ACOX3: variants seen among roughly 807,000 people sequenced by gnomAD.
The protein encoded by ACOX3 is acyl-CoA oxidase 3, pristanoyl.
ACOX3 carries 73 observed loss-of-function variants against 81.5 expected under a neutral mutation model. The ratio of observed to expected loss-of-function variants is 0.90; its 90% CI spans 0.74 to 1.09. ACOX3 has a LOEUF of 1.09. Among genes scored for constraint, ACOX3 ranks in the 50% least tolerant of loss-of-function variants. The pLI is 0.00. For synonymous variants in ACOX3, 387 were observed against 375.1 expected, an observed-to-expected ratio of 1.03 and a Z score of -0.37; for missense variants, 947 against 928.0, an observed-to-expected ratio of 1.02 and a Z score of -0.27.
chr4:8,419,112 G>C lies in ACOX3; in HGVS notation c.-14-2577C>G, dbSNP rs1478079697. ...GCCCAGGAGTTTGAGACCAGCCTGG[G>C]TGATACAGCAAGACCTTATCTCTTA... On this transcript the variant is annotated intron_variant, in intron 1 of 17. Coordinates refer to ENST00000356406, the MANE Select transcript of ACOX3 (RefSeq NM_003501.3). The surrounding 1 kb of genome is among the most constrained non-coding windows in gnomAD (Gnocchi z 4.2). Among the ~76,000 whole-genome samples, 1 of 152,054 alleles carries C rather than the reference G, an allele frequency of 6.6e-6. No individual in the cohort carries two copies. Among genetic ancestry groups the C allele is most frequent in the Non-Finnish European group, 1.5e-5 (1 of 68,000 alleles).
downstream of ACOX3, among the ~76,000 whole-genome samples, chr4:8,365,804 T>G (rs1715382262): frequency 6.6e-6 from 1 of 152,114 alleles, no homozygotes; most frequent in Admixed American, 6.5e-5. Context: ...TCAGAAGTGA[T>G]TTCCAGTGCT....
intron 1 of ACOX3, among the ~76,000 whole-genome samples, chr4:8,436,556 G>A (rs953148046): frequency 2.0e-5 from 3 of 152,152 alleles, no homozygotes; most frequent in African/African-American, 7.2e-5. Flanking sequence ...GCAGTACTAA[G>A]AGGCACTTCT....
chr4:8,379,197 G>A (rs564503020), intron 14 of ACOX3, among the ~76,000 whole-genome samples: 1 of 152,166 alleles, frequency 6.6e-6, no homozygotes, highest in East Asian at 1.9e-4. Flanking sequence ...AACAGCTTCC[G>A]GTTCCCATCT....
At chr4:8,360,494 C>A in the ACOX3 span, among the ~76,000 whole-genome samples, 203 of 141,384 alleles carry the variant, frequency 1.4e-3, no homozygotes, top group Non-Finnish European at 1.6e-3. Context: ...TTTTTTGAGA[C>A]AGAGTTTTAC....
In ACOX3 at chr4:8,375,109, G is replaced by C; in HGVS notation, c.1697C>G (p.Thr566Arg). The C allele has an allele frequency of 6.4e-7, 1 of 1,554,864 alleles. No individual in the cohort carries two copies. Among genetic ancestry groups the C allele is most frequent in the Admixed American group, 2.0e-5 (1 of 51,178 alleles). ...RPLALAFVEL[T>R]VVQRFHEHVH... ...GTGCTCGTGGAACCTCTGGACCACCGTGAGCTCCACGAAGGCCAGCGCCAA... is the reference window on the plus strand; with the variant it reads ...GTGCTCGTGGAACCTCTGGACCACCCTGAGCTCCACGAAGGCCAGCGCCAA... The change falls in exon 15 of 18, where the codon ACG (threonine) becomes AGG (arginine). Residue 566 changes from threonine to arginine, a missense_variant. Coordinates refer to ENST00000356406, the MANE Select transcript of ACOX3 (RefSeq NM_003501.3).
chr4:8,381,665 C>A lies in ACOX3; in HGVS notation c.1538-58G>T. ...ACAATAGAGAACACAGCATTTGTCACAACTCACCCCCAGGGACAAGGCACT... is the reference window on the plus strand; with the variant it reads ...ACAATAGAGAACACAGCATTTGTCAAAACTCACCCCCAGGGACAAGGCACT... On this transcript the variant is annotated intron_variant, in intron 13 of 17. Transcript: ENST00000356406. This position sits in a 1 kb window ranked among gnomAD's most constrained non-coding sequence, Gnocchi z 4.3. 7.5e-7 allele frequency: 1 copy of A among 1,337,192 alleles called. No individual in the cohort carries two copies. Among genetic ancestry groups the A allele is most frequent in the Non-Finnish European group, 1.1e-6 (1 of 941,244 alleles). 82.8% of individuals were successfully genotyped at this position (1,337,192 alleles called of 1,614,324 possible). A position where few individuals can be genotyped will look rare whatever the true frequency, so the allele number is the denominator to read the frequency against.
the ACOX3 span, among the ~76,000 whole-genome samples, chr4:8,358,724 C>T: frequency 6.6e-6 from 1 of 152,184 alleles, no homozygotes; most frequent in Non-Finnish European, 1.5e-5. Context: ...AGCACCATGA[C>T]AGTTTGCAGG....
Position 8,415,937 on chromosome 4 carries a change from C to T in ACOX3, c.207G>A (p.Leu69=). 6.2e-7 allele frequency: 1 copy of T among 1,614,220 alleles called. No individual in the cohort carries two copies. The highest frequency in any genetic ancestry group is 1.7e-5 in the Admixed American group (1 of 60,024). The change falls in exon 3 of 18, where the codon CTG becomes CTA. Residue 69 remains leucine (L), a synonymous_variant. Transcript: ENST00000356406. ...PLFARSPGAD[L]SLEKYRELNF... ...TCAGCTCGCGATACTTCTCCAAGGA[C>T]AGATCGGCTCCAGGGGAACGAGCGA...
intron 1 of ACOX3, among the ~76,000 whole-genome samples, chr4:8,422,614 C>T (rs554970584): frequency 1.2e-4 from 18 of 152,318 alleles, no homozygotes; most frequent in African/African-American, 3.6e-4. Context: ...TTACTCAATT[C>T]GCTTTCATCC....
the ACOX3 span, among the ~76,000 whole-genome samples, chr4:8,361,190 G>A: frequency 1.2e-4 from 18 of 152,054 alleles, no homozygotes; most frequent in East Asian, 3.9e-4. Context: ...TTGGGAGGCC[G>A]AGGTGGGCGG....
At chr4:8,395,596 A>C (rs927208235) in intron 9 of ACOX3, among the ~76,000 whole-genome samples, 2 of 152,250 alleles carry the variant, frequency 1.3e-5, no homozygotes, top group Admixed American at 6.5e-5. Context: ...TCTAACTTAC[A>C]AATGATAAAG....
rs116701834 is a variant in ACOX3 at position 8,402,664 on chromosome 4, T to C, written c.777-3012A>G. On this transcript the variant is annotated intron_variant, in intron 7 of 17. Coordinates refer to ENST00000356406, the MANE Select transcript of ACOX3 (RefSeq NM_003501.3). ...AAAAGCTATTACAGTGGTGGTCACA[T>C]GTGGCCAACTCAAATACAAGCCAGA... is the stretch of plus-strand genomic sequence containing the variant. 1.8e-3 allele frequency among the ~76,000 whole-genome samples: 279 copies of C among 152,314 alleles called. 2 individuals carry two copies. The highest frequency in any genetic ancestry group is 6.5e-3 in the African/African-American group (271 of 41,566).
chr4:8,403,496 C>T (rs973119679), intron 7 of ACOX3, among the ~76,000 whole-genome samples: 3 of 152,198 alleles, frequency 2.0e-5, no homozygotes, highest in African/African-American at 7.2e-5. Flanking sequence ...CAAAGATGGA[C>T]GAATCCCACT....
chr4:8,390,325 C>G (rs1452967743), intron 11 of ACOX3, among the ~76,000 whole-genome samples: 1 of 150,810 alleles, frequency 6.6e-6, no homozygotes, highest in Non-Finnish European at 1.5e-5. Context: ...GCCTCCGGGA[C>G]AGGGCAAGAC....
intron 1 of ACOX3, among the ~76,000 whole-genome samples, chr4:8,434,582 A>G (rs1354319195): frequency 1.3e-5 from 2 of 152,238 alleles, no homozygotes; most frequent in Non-Finnish European, 2.9e-5. Flanking sequence ...GCCCCCGTGG[A>G]GGATCAACGC....
At chr4:8,396,849 T>C in intron 9 of ACOX3, 88 bp downstream of exon 9, 1 of 1,479,178 alleles carries the variant, frequency 6.8e-7, no homozygotes, top group Middle Eastern at 1.7e-4. Flanking sequence ...TTTGATCAAC[T>C]CCCAGTAACC....
chr4:8,387,107 G>A (rs1718405711), intron 13 of ACOX3, among the ~76,000 whole-genome samples: 1 of 152,264 alleles, frequency 6.6e-6, no homozygotes, highest in Non-Finnish European at 1.5e-5. Flanking sequence ...CTGCCCAGTT[G>A]AACGTGTGGC....
chr4:8,426,501 G>GC lies in ACOX3; in HGVS notation c.-14-9967dup, dbSNP rs549905161. ...GTAACTGGAATCGTAGAGCTCCATG[G>GC]CCCCCCCCGTCATATTTTTCTCTTT... On this transcript the variant is annotated intron_variant, in intron 1 of 17. Transcript: ENST00000356406. 2.6e-3 allele frequency among the ~76,000 whole-genome samples: 390 copies of GC among 147,672 alleles called. 2 individuals are homozygous for GC. Among genetic ancestry groups the GC allele is most frequent in the East Asian group, 0.016 (81 of 4,980 alleles).
At chr4:8,356,768 T>C in the ACOX3 span, 3 of 456,202 alleles carry the variant, frequency 6.6e-6, no homozygotes, top group African/African-American at 2.0e-5. Context: ...CACGCCAACA[T>C]GATCCCAGCA....
Sources: gnomAD v4.1 joint callset for allele counts (sites outside exome capture counted in the v4.1 genomes callset) on GRCh38, gnomAD v4.1.1 for gene constraint, Gnocchi (gnomAD v3.1) non-coding constraint, MANE v1.5 for transcripts, NCBI Gene and HGNC (gene_info 2026-07-23, HGNC 2026-07-21) for gene names.